Variants in TASP1 observed in about 807,000 individuals in gnomAD.
TASP1 encodes the protein taspase 1.
A neutral mutation model predicts 56.6 loss-of-function variants in TASP1; 16 were observed. That is an observed-to-expected ratio of 0.28 (90% CI 0.19 to 0.43). The LOEUF (loss-of-function observed/expected upper bound fraction) is 0.43. Ranked by LOEUF, TASP1 falls within the 20% of genes least tolerant of loss-of-function variation. TASP1 has a pLI of 1.00. For synonymous variants in TASP1, 179 were observed against 184.2 expected, an observed-to-expected ratio of 0.97 and a Z score of 0.23; for missense variants, 393 against 511.6, an observed-to-expected ratio of 0.77 and a Z score of 2.24.
At chr20:13,538,582 A>C (rs1293741847) in intron 8 of TASP1, among the ~76,000 whole-genome samples, 1 of 152,162 alleles carries the variant, frequency 6.6e-6, no homozygotes, top group Admixed American at 6.5e-5. Context: ...CTAACATGAC[A>C]GTACAATAAT....
intron 5 of TASP1, among the ~76,000 whole-genome samples, chr20:13,583,631 T>C (rs2047201377): frequency 6.6e-6 from 1 of 152,234 alleles, no homozygotes; most frequent in Admixed American, 6.5e-5. Context: ...CTGTAAAGCA[T>C]AGACCTCATG....
At chr20:13,440,513 T>C (rs6042106) in intron 11 of TASP1, among the ~76,000 whole-genome samples, 68,363 of 151,832 alleles carry the variant, frequency 0.45, 15,533 homozygotes, top group Non-Finnish European at 0.47. Context: ...TTTGAAATTA[T>C]TGAGAGAAAA....
intron 6 of TASP1, among the ~76,000 whole-genome samples, chr20:13,579,303 G>C (rs1338677123): frequency 1.3e-5 from 2 of 152,068 alleles, no homozygotes; most frequent in Admixed American, 6.5e-5. Context: ...ATTATGGATT[G>C]GTAATCTCAT....
the TASP1 span, among the ~76,000 whole-genome samples, chr20:13,178,552 A>C: frequency 5.3e-5 from 8 of 152,254 alleles, no homozygotes; most frequent in African/African-American, 1.9e-4. Context: ...TACACAATGG[A>C]ATATTACTCA....
intron 10 of TASP1, among the ~76,000 whole-genome samples, chr20:13,494,591 C>T (rs2043653470): frequency 6.6e-6 from 1 of 152,038 alleles, no homozygotes. Flanking sequence ...TCTCATCTGA[C>T]AAACAAGAAA....
chr20:13,126,120 C>A, the TASP1 span, among the ~76,000 whole-genome samples: 1 of 152,196 alleles, frequency 6.6e-6, no homozygotes, highest in Non-Finnish European at 1.5e-5. Context: ...GACCCTCTCT[C>A]TTTCCTCTGC....
At chr20:13,214,906 A>C in the TASP1 span, among the ~76,000 whole-genome samples, 2 of 152,232 alleles carry the variant, frequency 1.3e-5, no homozygotes, top group Admixed American at 6.5e-5. Flanking sequence ...GACACAAAAG[A>C]GTATATACTG....
chr20:13,604,252 T>C (rs1343234662), intron 4 of TASP1, among the ~76,000 whole-genome samples: 2 of 151,912 alleles, frequency 1.3e-5, no homozygotes, highest in Non-Finnish European at 2.9e-5. Flanking sequence ...TAGTAGGAGG[T>C]ATCTGGGTCA....
chr20:13,482,757 T>C (rs925629644), intron 11 of TASP1, among the ~76,000 whole-genome samples: 1 of 152,210 alleles, frequency 6.6e-6, no homozygotes, highest in African/African-American at 2.4e-5. Flanking sequence ...TTTGGTTTTC[T>C]TTTAAAACAG....
chr20:13,225,377 T>A, the TASP1 span, among the ~76,000 whole-genome samples: 1 of 152,206 alleles, frequency 6.6e-6, no homozygotes, highest in Admixed American at 6.5e-5. Context: ...CTTTTAACAA[T>A]TTACATTTTC....
At chr20:13,350,522 C>T in the TASP1 span, among the ~76,000 whole-genome samples, 4 of 152,036 alleles carry the variant, frequency 2.6e-5, no homozygotes, top group African/African-American at 9.7e-5. Context: ...AGAACCATCA[C>T]AATTTAAAAC....
chr20:13,167,557 C>T, the TASP1 span: 1 of 152,106 alleles, frequency 6.6e-6, no homozygotes, highest in Non-Finnish European at 1.5e-5. Flanking sequence ...TTGAAAATGA[C>T]CTCAGGAAAG....
chr20:13,474,535 T>G (rs993006038), intron 11 of TASP1, among the ~76,000 whole-genome samples: 3 of 152,222 alleles, frequency 2.0e-5, no homozygotes, highest in Non-Finnish European at 4.4e-5. Flanking sequence ...CACTCGTTAG[T>G]CAATGGGTAC....
intron 10 of TASP1, among the ~76,000 whole-genome samples, chr20:13,523,652 C>T (rs1466708474): frequency 6.6e-6 from 1 of 152,054 alleles, no homozygotes; most frequent in African/African-American, 2.4e-5. Context: ...TTTTTAATCC[C>T]ATCTACCTTT....
the TASP1 span, among the ~76,000 whole-genome samples, chr20:13,186,668 A>C: frequency 1.3e-5 from 2 of 152,208 alleles, no homozygotes; most frequent in Non-Finnish European, 2.9e-5. Context: ...TCTAAAGAGG[A>C]ATCTGCAGGG....
chr20:13,526,773 C>G (rs758775368), intron 10 of TASP1, among the ~76,000 whole-genome samples: 1 of 151,940 alleles, frequency 6.6e-6, no homozygotes, highest in Non-Finnish European at 1.5e-5. Flanking sequence ...AGAAAGAAAC[C>G]ACAAATATGA....
the TASP1 span, among the ~76,000 whole-genome samples, chr20:13,201,439 C>T: frequency 0.1 from 15,687 of 152,004 alleles, 1,128 homozygotes; most frequent in East Asian, 0.29. Flanking sequence ...TGGATGATGG[C>T]ACTTAATTTG....
the TASP1 span, among the ~76,000 whole-genome samples, chr20:13,373,787 A>G: frequency 6.6e-6 from 1 of 152,104 alleles, no homozygotes; most frequent in Non-Finnish European, 1.5e-5. Context: ...TGTGTTTTCC[A>G]GCAAATTTGG....
At chr20:13,472,554 A>C (rs1353614864) in intron 11 of TASP1, among the ~76,000 whole-genome samples, 1 of 151,154 alleles carries the variant, frequency 6.6e-6, no homozygotes, top group Admixed American at 6.6e-5. Context: ...GGCAACCTAC[A>C]GAATGGGAGA....
Sources: allele counts gnomAD v4.1 joint callset (sites outside exome capture counted in the v4.1 genomes callset), GRCh38; gene constraint gnomAD v4.1.1; transcripts MANE v1.5; gene names NCBI Gene and HGNC (gene_info 2026-07-23, HGNC 2026-07-21).